The following ANKRD11 variants were observed in gnomAD, a reference collection of about 807,000 sequenced individuals.
ANKRD11 encodes ankyrin repeat domain 11, also known as ankyrin repeat domain-containing protein 11.
ANKRD11 carries 17 observed loss-of-function variants against 195.7 expected under a neutral mutation model. The observed-to-expected ratio is 0.09, with a 90% CI of 0.06 to 0.13. The LOEUF is 0.13. ANKRD11 is among the 10% of genes least tolerant of loss of function. ANKRD11 has a pLI of 1.00. For synonymous variants in ANKRD11, 1,953 were observed against 1,528.1 expected, an observed-to-expected ratio of 1.28 and a Z score of -6.49; for missense variants, 3,735 against 3,566.1, an observed-to-expected ratio of 1.05 and a Z score of -1.21.
chr16:89,460,964 G>A (rs1319960251), intron 1 of ANKRD11, among the ~76,000 whole-genome samples: 3 of 124,352 alleles, frequency 2.4e-5, no homozygotes, highest in Admixed American at 8.5e-5. Context: ...GACAAATATC[G>A]TATGACCCCC....
chr16:89,328,397 G>A (rs969384218), intron 2 of ANKRD11, among the ~76,000 whole-genome samples: 4 of 152,222 alleles, frequency 2.6e-5, no homozygotes, highest in Non-Finnish European at 2.9e-5. Flanking sequence ...GTTTGCGAAT[G>A]TTCACAGAAC....
At chr16:89,269,168 G>A (rs1280121360) in intron 12 of ANKRD11, among the ~76,000 whole-genome samples, 6 of 152,256 alleles carry the variant, frequency 3.9e-5, no homozygotes, top group African/African-American at 7.2e-5. Context: ...ACAAGCAACC[G>A]TGTAGAGAAT....
chr16:89,269,440 ATCC>A (rs1158819394), intron 12 of ANKRD11, among the ~76,000 whole-genome samples: 1 of 152,140 alleles, frequency 6.6e-6, no homozygotes, highest in Non-Finnish European at 1.5e-5. Flanking sequence ...TGGATTCACA[ATCC>A]TCCTCAATGG....
intron 3 of ANKRD11, among the ~76,000 whole-genome samples, chr16:89,306,435 C>CACCT (rs2151879124): frequency 1.1e-5 from 1 of 94,804 alleles, no homozygotes; most frequent in Admixed American, 1.1e-4. Flanking sequence ...AGACACGCGC[C>CACCT]ACCTCCCACT....
chr16:89,357,695 T>C (rs982959548), intron 2 of ANKRD11, among the ~76,000 whole-genome samples: 1 of 152,116 alleles, frequency 6.6e-6, no homozygotes, highest in Non-Finnish European at 1.5e-5. Flanking sequence ...GGAATGCCTG[T>C]CACAGCCAAT....
chr16:89,324,429 C>T (rs991075384), intron 2 of ANKRD11: 2 of 474,280 alleles, frequency 4.2e-6, no homozygotes, highest in African/African-American at 4.0e-5. Flanking sequence ...AAACTAAAAC[C>T]AAGGTAAGTG....
At chr16:89,483,616 G>A (rs1012313950) in intron 1 of ANKRD11, among the ~76,000 whole-genome samples, 3 of 152,152 alleles carry the variant, frequency 2.0e-5, no homozygotes, top group Non-Finnish European at 4.4e-5. Context: ...ATCACCTGAG[G>A]TCGGGAGTTT....
intron 1 of ANKRD11, among the ~76,000 whole-genome samples, chr16:89,436,819 T>C (rs1435734739): frequency 6.6e-6 from 1 of 152,208 alleles, no homozygotes; most frequent in Non-Finnish European, 1.5e-5. Context: ...AGAGAACTGT[T>C]AGAGACCCCT....
At chr16:89,469,945 G>A (rs1054087936) in intron 1 of ANKRD11, among the ~76,000 whole-genome samples, 1 of 151,140 alleles carries the variant, frequency 6.6e-6, no homozygotes. Flanking sequence ...TCACTCTGTC[G>A]CTCAGGCTGG....
chr16:89,463,187 TTGAGAACGGGCCATGATGACA>T (rs2056759584), intron 1 of ANKRD11, among the ~76,000 whole-genome samples: 1 of 152,148 alleles, frequency 6.6e-6, no homozygotes, highest in East Asian at 1.9e-4. Flanking sequence ...CAACAGCTCA[TTGAGAACGGGCCATGATGACA>T]GTGGCGGTTT....
intron 11 of ANKRD11, among the ~76,000 whole-genome samples, chr16:89,273,555 G>A (rs1035458760): frequency 6.6e-6 from 1 of 151,994 alleles, no homozygotes; most frequent in Non-Finnish European, 1.5e-5. Context: ...AAATCAGCCG[G>A]GCATGGTAGC....
At position 89,280,607 on chromosome 16, in the gene ANKRD11, G is replaced by T. The variant is rs774653782; in HGVS notation, c.5935C>A (p.Leu1979Ile). The stretch of plus-strand genomic sequence containing the variant: ...AATCTCTGTGGAGACTTCAGCAGGA[G>T]GTCCGAGCCCACAGGCCAGCTCACA... ...NPVSWPVGSD[L>I]LLKSPQRFPE... Residue 1979 changes from leucine to isoleucine, a missense_variant, in exon 9 of 13, where the codon CTC (leucine) becomes ATC (isoleucine). By Grantham distance (5) the Leu-to-Ile change is conservative. Coordinates refer to ENST00000301030, the MANE Select transcript of ANKRD11 (RefSeq NM_013275.6). 1 of 1,613,498 alleles carries T rather than the reference G, an allele frequency of 6.2e-7. No individual in the cohort carries two copies.
intron 1 of ANKRD11, among the ~76,000 whole-genome samples, chr16:89,440,718 G>A (rs2043414562): frequency 1.3e-5 from 2 of 152,202 alleles, no homozygotes; most frequent in Admixed American, 1.3e-4. Flanking sequence ...AACGTGGGCA[G>A]AGCCCTGGAG....
chr16:89,305,158 C>T (rs1437340806), intron 4 of ANKRD11, 48 bp downstream of exon 4: 16 of 1,600,882 alleles, frequency 1.0e-5, no homozygotes, highest in South Asian at 6.6e-5. Context: ...TGGGCTGCTC[C>T]GGGCTGCCTG....
At chr16:89,488,156 C>G (rs905828913) in intron 1 of ANKRD11, among the ~76,000 whole-genome samples, 2 of 152,164 alleles carry the variant, frequency 1.3e-5, no homozygotes, top group African/African-American at 2.4e-5. Flanking sequence ...AAGAAAAAAA[C>G]TGCTGAAAGT....
chr16:89,272,738 A>G (rs934450475), intron 11 of ANKRD11: 3 of 152,186 alleles, frequency 2.0e-5, no homozygotes, highest in African/African-American at 4.8e-5. Flanking sequence ...AACCCCATTT[A>G]CTATAGCTAA....
intron 1 of ANKRD11, among the ~76,000 whole-genome samples, chr16:89,419,906 G>A (rs2042443307): frequency 6.6e-6 from 1 of 152,244 alleles, no homozygotes; most frequent in Non-Finnish European, 1.5e-5. Context: ...GGGTGCGCTG[G>A]CTCACGCCTG....
intron 1 of ANKRD11, among the ~76,000 whole-genome samples, chr16:89,466,226 A>G (rs2056880440): frequency 6.6e-6 from 1 of 152,050 alleles, no homozygotes; most frequent in Admixed American, 6.5e-5. Flanking sequence ...TTCTCTGAAG[A>G]AGAAATGATG....
At chr16:89,363,836 G>A (rs958491134) in intron 2 of ANKRD11, among the ~76,000 whole-genome samples, 3 of 152,090 alleles carry the variant, frequency 2.0e-5, no homozygotes, top group Non-Finnish European at 2.9e-5. Flanking sequence ...AAGGAGGACT[G>A]ACTGAGGCAA....
Sources: gnomAD v4.1 joint callset for allele counts (sites outside exome capture counted in the v4.1 genomes callset) on GRCh38, gnomAD v4.1.1 for gene constraint, MANE v1.5 for transcripts, NCBI Gene and HGNC (gene_info 2026-07-23, HGNC 2026-07-21) for gene names.